CDC42BPB: variants seen among roughly 807,000 people sequenced by gnomAD.
CDC42BPB encodes the protein serine/threonine-protein kinase MRCK beta.
Under a neutral mutation model 214.9 loss-of-function variants are expected in CDC42BPB, and 37 were observed. That is an observed-to-expected ratio of 0.17 (90% confidence interval 0.13 to 0.23). The LOEUF (loss-of-function observed/expected upper bound fraction) is 0.23, where lower values mean the gene tolerates loss of function less well. Ranked by LOEUF, CDC42BPB falls within the 10% of genes least tolerant of loss-of-function variation. CDC42BPB has a pLI of 1.00. For synonymous variants in CDC42BPB, 931 were observed against 884.0 expected, an observed-to-expected ratio of 1.05 and a Z score of -0.94; for missense variants, 1,694 against 2,227.0, an observed-to-expected ratio of 0.76 and a Z score of 4.82.
At chr14:102,978,337 T>C (rs925205503) in intron 8 of CDC42BPB, 132 bp from the exon 9 acceptor site, 7 of 1,498,060 alleles carry the variant, frequency 4.7e-6, no homozygotes, top group South Asian at 1.3e-5. Flanking sequence ...GCGGATTCCA[T>C]GGTGTCCTCT....
rs778580129 is a variant in CDC42BPB at position 102,954,632 on chromosome 14, C to T, written c.2958G>A (p.Ser986=). 6.2e-6 allele frequency: 10 copies of T among 1,613,906 alleles called. No individual in the cohort carries two copies. Among genetic ancestry groups the T allele is most frequent in the Admixed American group, 5.0e-5 (3 of 60,012 alleles). Residue 986 remains serine (S), a synonymous_variant, in exon 22 of 37, where the codon TCG becomes TCA. Coordinates refer to ENST00000361246, the MANE Select transcript of CDC42BPB (RefSeq NM_006035.4). ...TQAPKPEASP[S]MSVAASEQQE... is the part of the protein sequence containing the mutation. ...GCTGCTCTGATGCAGCCACAGACAT[C>T]GACGGGGACGCTTCTGGCTTCGGAG...
chr14:102,984,518 G>A (rs1449888390), intron 6 of CDC42BPB, among the ~76,000 whole-genome samples: 1 of 152,148 alleles, frequency 6.6e-6, no homozygotes, highest in Non-Finnish European at 1.5e-5. Flanking sequence ...ACCCCCGCAA[G>A]GGAGAAAACA....
intron 5 of CDC42BPB, among the ~76,000 whole-genome samples, chr14:102,998,948 G>C (rs1894862795): frequency 8.2e-6 from 1 of 121,664 alleles, no homozygotes; most frequent in Admixed American, 8.1e-5. Flanking sequence ...AGGACCCCGG[G>C]GCCCACGTGA....
At chr14:102,945,066 C>A in intron 29 of CDC42BPB, 1 of 343,244 alleles carries the variant, frequency 2.9e-6, no homozygotes, top group Non-Finnish European at 5.8e-6. Flanking sequence ...CAGATCTCCC[C>A]ACAGAGCTGC....
chr14:103,038,341 C>CA (rs1267070540), intron 1 of CDC42BPB, among the ~76,000 whole-genome samples: 2,302 of 82,088 alleles, frequency 0.028, 19 homozygotes, highest in Non-Finnish European at 0.037. Flanking sequence ...GACTCTGTCT[C>CA]AAAAAAAAAA....
intron 5 of CDC42BPB, among the ~76,000 whole-genome samples, chr14:102,989,735 G>A (rs973836812): frequency 4.6e-5 from 7 of 152,090 alleles, no homozygotes; most frequent in African/African-American, 1.7e-4. Flanking sequence ...GCTGGGAGTG[G>A]TGGCGGGCGG....
rs956611928 is a variant in CDC42BPB, at chr14:102,939,510, C to T, written c.4827+100G>A. 3.4e-5 allele frequency: 29 copies of T among 843,638 alleles called. 1 individual carries two copies. Among genetic ancestry groups the T allele is most frequent in the South Asian group, 8.8e-5 (6 of 68,554 alleles). 52.3% of individuals were successfully genotyped at this position (843,638 alleles called of 1,614,324 possible). A position where few individuals can be genotyped will look rare whatever the true frequency, so the allele number is the denominator to read the frequency against. The stretch of plus-strand genomic sequence containing the variant: ...CCAGGTCAGAGCACAGCGCCAGCCT[C>T]GCAGGCACTGCCTTTGGGACAGTCT... On this transcript the variant is annotated intron_variant, in intron 34 of 36. Coordinates refer to ENST00000361246, the MANE Select transcript of CDC42BPB (RefSeq NM_006035.4).
intron 1 of CDC42BPB, among the ~76,000 whole-genome samples, chr14:103,032,535 CA>C (rs570009408): frequency 0.22 from 9,727 of 45,032 alleles, 1,292 homozygotes; most frequent in African/African-American, 0.45. Context: ...AAATAAACTG[CA>C]AAAAAAAAAA....
At chr14:103,007,331 G>T (rs577130812) in intron 3 of CDC42BPB, among the ~76,000 whole-genome samples, 1 of 152,170 alleles carries the variant, frequency 6.6e-6, no homozygotes, top group Non-Finnish European at 1.5e-5. Context: ...ACTGAGTCAC[G>T]AGGAACCGAT....
rs374158340 is a variant in CDC42BPB, at chr14:102,946,436, G to A, written c.3748+32C>T. The A allele has an allele frequency of 1.8e-5, 29 of 1,609,550 alleles. No individual in the cohort carries two copies. In the African/African-American group the frequency reaches 2.3e-4, roughly 13 times the overall value. ...CGCCGCCGGAAGTGCTGTTGCTTCAGACACCTGAAGGACACAACCTTTGGG... is the reference window on the plus strand; with the variant it reads ...CGCCGCCGGAAGTGCTGTTGCTTCAAACACCTGAAGGACACAACCTTTGGG... On this transcript the variant is annotated intron_variant, in intron 28 of 36. Transcript: ENST00000361246.
At chr14:102,978,846 A>G (rs1326625264) in intron 8 of CDC42BPB, among the ~76,000 whole-genome samples, 1 of 152,154 alleles carries the variant, frequency 6.6e-6, no homozygotes, top group Non-Finnish European at 1.5e-5. Flanking sequence ...GTCTCTACTA[A>G]AAATACAAAA....
intron 1 of CDC42BPB, 67 bp downstream of exon 1, chr14:103,056,931 TG>T: frequency 2.0e-6 from 2 of 1,014,796 alleles, no homozygotes; most frequent in Non-Finnish European, 2.5e-6. Context: ...TGGGCGGGCG[TG>T]GGGATGCGCG....
chr14:102,945,557 T>C, intron 29 of CDC42BPB, 105 bp downstream of exon 29: 2 of 1,030,440 alleles, frequency 1.9e-6, no homozygotes, highest in Non-Finnish European at 3.0e-6. Flanking sequence ...GGCGCCTTCA[T>C]CAAGCGCATT....
chr14:102,958,409 C>T (rs1381888621), intron 21 of CDC42BPB, among the ~76,000 whole-genome samples: 1 of 152,174 alleles, frequency 6.6e-6, no homozygotes, highest in Non-Finnish European at 1.5e-5. Flanking sequence ...CTATTCTTCC[C>T]ACTCGCCTGC....
At chr14:103,035,557 G>A (rs997386086) in intron 1 of CDC42BPB, among the ~76,000 whole-genome samples, 2 of 151,966 alleles carry the variant, frequency 1.3e-5, no homozygotes, top group African/African-American at 4.8e-5. Flanking sequence ...ACAAGGCCAG[G>A]CAGCCAGGTG....
At chr14:102,995,777 G>A (rs999354641) in intron 5 of CDC42BPB, among the ~76,000 whole-genome samples, 4 of 152,190 alleles carry the variant, frequency 2.6e-5, no homozygotes, top group Non-Finnish European at 5.9e-5. Context: ...CGTCAGCCAC[G>A]CCGTAAAGTT....
chr14:103,005,269 T>C (rs1277114798), intron 3 of CDC42BPB, among the ~76,000 whole-genome samples: 1 of 152,198 alleles, frequency 6.6e-6, no homozygotes, highest in Non-Finnish European at 1.5e-5. Flanking sequence ...TTTGAACTTG[T>C]CAAGCTTAAC....
intron 5 of CDC42BPB, among the ~76,000 whole-genome samples, chr14:102,996,908 T>C (rs965453013): frequency 1.3e-5 from 2 of 152,106 alleles, no homozygotes; most frequent in African/African-American, 4.8e-5. Context: ...GAAAGCAATG[T>C]CCACAACCTC....
chr14:102,938,149 C>T lies in CDC42BPB; in HGVS notation c.4959G>A (p.Val1653=), dbSNP rs1439664072. The change falls in exon 36 of 37, where the codon GTG becomes GTA. Residue 1653 remains valine, a synonymous_variant. Coordinates refer to ENST00000361246, the MANE Select transcript of CDC42BPB (RefSeq NM_006035.4). ...CTGGATCAGACATACTTCTCAGAGGCACAGTCACGCTAGGCTCCGATCCAC... is the reference window on the plus strand; with the variant it reads ...CTGGATCAGACATACTTCTCAGAGGTACAGTCACGCTAGGCTCCGATCCAC... ...SSGGSEPSVT[V]PLRSMSDPDQ... 3 of 1,613,914 alleles carry T rather than the reference C, an allele frequency of 1.9e-6. No individual in the cohort carries two copies. The highest frequency in any genetic ancestry group is 2.2e-5 in the East Asian group (1 of 44,880).
Sources: gnomAD v4.1 joint callset for allele counts (sites outside exome capture counted in the v4.1 genomes callset) on GRCh38, gnomAD v4.1.1 for gene constraint, MANE v1.5 for transcripts, NCBI Gene and HGNC (gene_info 2026-07-23, HGNC 2026-07-21) for gene names.